Variants in OR51B5 observed in about 807,000 individuals in gnomAD.
The protein encoded by OR51B5 is olfactory receptor 51B5.
For missense variants in OR51B5, 456 were observed against 374.6 expected (o/e 1.22, Z -1.79); for synonymous variants, 186 against 144.8 (o/e 1.28, Z -2.04).
At chr11:5,366,325 A>C (rs953777823) in intron 1 of OR51B5, among the ~76,000 whole-genome samples, 1 of 152,118 alleles carries the variant, frequency 6.6e-6, no homozygotes, top group African/African-American at 2.4e-5. Context: ...GTTAAAGAAA[A>C]GGCTACATTA....
At chr11:5,450,362 C>G (rs1850825733) in intron 1 of OR51B5, among the ~76,000 whole-genome samples, 1 of 152,102 alleles carries the variant, frequency 6.6e-6, no homozygotes, top group South Asian at 2.1e-4. Context: ...GCACTCCACC[C>G]TGGATGATGG....
intron 1 of OR51B5, chr11:5,505,342 A>G (rs918480593): frequency 7.7e-7 from 1 of 1,303,894 alleles, no homozygotes; most frequent in Non-Finnish European, 1.0e-6. Context: ...GCAGACCCAG[A>G]GAACTCACCT....
intron 1 of OR51B5, among the ~76,000 whole-genome samples, chr11:5,409,811 T>C (rs7116913): frequency 0.81 from 123,635 of 152,092 alleles, 51,300 homozygotes; most frequent in Non-Finnish European, 0.89. Flanking sequence ...TCCAAGAAGG[T>C]CCACATAGTT....
At chr11:5,473,990 C>T (rs548597448) in intron 1 of OR51B5, among the ~76,000 whole-genome samples, 1 of 151,922 alleles carries the variant, frequency 6.6e-6, no homozygotes, top group South Asian at 2.1e-4. Context: ...AATTCCATCA[C>T]AAGACATCAG....
chr11:5,488,537 T>C, intron 1 of OR51B5: 1 of 596,090 alleles, frequency 1.7e-6, no homozygotes, highest in Non-Finnish European at 3.0e-6. Flanking sequence ...AAATGAATTA[T>C]ATGTGGTAGT....
At chr11:5,346,662 G>T (rs1370623579), upstream of OR51B5, among the ~76,000 whole-genome samples, 1 of 152,170 alleles carries the variant, frequency 6.6e-6, no homozygotes, top group African/African-American at 2.4e-5. Context: ...ACTTGGAATT[G>T]CTTTTGAAGT....
At position 5,356,852 on chromosome 11, in the gene OR51B5, C is replaced by G. The variant is rs1849202198; in HGVS notation, n.85-9942G>C. 1.5e-5 allele frequency among the ~76,000 whole-genome samples: 2 copies of G among 136,132 alleles called. 1 individual carries two copies. Among genetic ancestry groups the G allele is most frequent in the Admixed American group, 1.5e-4 (2 of 13,496 alleles). 89.3% of individuals were successfully genotyped at this position (136,132 alleles called of 152,430 possible). On this transcript the variant is annotated intron_variant and non_coding_transcript_variant, in intron 1 of 4. Coordinates refer to the OR51B5 transcript ENST00000415970. ...TCCTTAAAGGAAAGAATTTTCAACA[C>G]AGAATTTCATATCCAGCCAAACTAA...
intron 1 of OR51B5, chr11:5,456,104 T>A (rs1355932666): frequency 1.3e-5 from 2 of 152,214 alleles, no homozygotes; most frequent in East Asian, 3.8e-4. Context: ...AAGGCAAGGC[T>A]TAGGGAAGCC....
chr11:5,350,873 C>T (rs186580875), intron 1 of OR51B5, among the ~76,000 whole-genome samples: 1 of 152,292 alleles, frequency 6.6e-6, no homozygotes, highest in Admixed American at 6.5e-5. Flanking sequence ...TTTCTAACTA[C>T]CCAAAAGTCT....
At chr11:5,475,628 A>G (rs910714939) in intron 1 of OR51B5, among the ~76,000 whole-genome samples, 25 of 152,348 alleles carry the variant, frequency 1.6e-4, no homozygotes, top group Admixed American at 1.3e-3. Context: ...AGTTATGATT[A>G]AATGATCTAA....
At chr11:5,412,215 C>T (rs577260532) in intron 1 of OR51B5, among the ~76,000 whole-genome samples, 12 of 152,106 alleles carry the variant, frequency 7.9e-5, no homozygotes, top group Non-Finnish European at 1.6e-4. Flanking sequence ...CAGAATATGA[C>T]TATATCTTCT....
chr11:5,495,060 C>T (rs1851629190), intron 1 of OR51B5, among the ~76,000 whole-genome samples: 1 of 152,140 alleles, frequency 6.6e-6, no homozygotes, highest in South Asian at 2.1e-4. Context: ...TAGAGAAACA[C>T]CAATTTTGCC....
intron 1 of OR51B5, among the ~76,000 whole-genome samples, chr11:5,379,307 G>T (rs2046224700): frequency 6.6e-6 from 1 of 152,008 alleles, no homozygotes; most frequent in South Asian, 2.1e-4. Context: ...TCTGGGGACT[G>T]TTGTGGGGTG....
In OR51B5 at chr11:5,443,152, T is replaced by C. The variant is rs567179630; in HGVS notation, n.84+62417A>G. 2.7e-4 allele frequency among the ~76,000 whole-genome samples: 41 copies of C among 152,326 alleles called. No individual in the cohort carries two copies. The South Asian group carries it at 8.1e-3, about 30-fold the overall frequency. On this transcript the variant is annotated intron_variant and non_coding_transcript_variant, in intron 1 of 4. Coordinates refer to the OR51B5 transcript ENST00000415970. ...TACTATATTTTCATGGTATTTGATA[T>C]CTCAAAATTAAACCTCCATTCTGGA...
intron 1 of OR51B5, among the ~76,000 whole-genome samples, chr11:5,502,085 T>G (rs532019806): frequency 6.6e-6 from 1 of 152,336 alleles, no homozygotes; most frequent in Admixed American, 6.5e-5. Context: ...TGTTCTCATT[T>G]GTCCACTTCT....
chr11:5,454,311 CTCA>C (rs1283553336), intron 1 of OR51B5: 2 of 1,614,098 alleles, frequency 1.2e-6, no homozygotes, highest in Admixed American at 3.3e-5. Flanking sequence ...CATACATGTC[CTCA>C]TGTCAAATGT....
chr11:5,463,353 GGTGT>G (rs1313769117), intron 1 of OR51B5, among the ~76,000 whole-genome samples: 1 of 152,162 alleles, frequency 6.6e-6, no homozygotes, highest in African/African-American at 2.4e-5. Flanking sequence ...CCAAGGCATT[GGTGT>G]GTGATAGGCT....
chr11:5,446,293 A>AAT (rs1850762674), intron 1 of OR51B5, among the ~76,000 whole-genome samples: 1 of 123,414 alleles, frequency 8.1e-6, no homozygotes, highest in Non-Finnish European at 1.9e-5. Flanking sequence ...AATAACTCTC[A>AAT]TGAGGTAACC....
intron 1 of OR51B5, among the ~76,000 whole-genome samples, chr11:5,366,668 A>AGAG (rs1234647377): frequency 6.6e-6 from 1 of 151,560 alleles, no homozygotes; most frequent in Non-Finnish European, 1.5e-5. Context: ...AAAGGAAGGA[A>AGAG]GAGAAGAAGA....
Sources: gnomAD v4.1 joint callset for allele counts (sites outside exome capture counted in the v4.1 genomes callset) on GRCh38, gnomAD v4.1.1 for gene constraint, MANE v1.5 for transcripts, NCBI Gene and HGNC (gene_info 2026-07-23, HGNC 2026-07-21) for gene names.